FSTL5: variants seen among roughly 807,000 people sequenced by gnomAD.
The protein encoded by FSTL5 is follistatin-related protein 5.
A neutral mutation model predicts 89.1 loss-of-function variants in FSTL5; 62 were observed. The ratio of observed to expected loss-of-function variants is 0.70; its 90% CI spans 0.57 to 0.86. The LOEUF is 0.86. Among genes scored for constraint, FSTL5 ranks in the 40% least tolerant of loss-of-function variants. FSTL5 has a pLI of 0.00. For synonymous variants in FSTL5, 383 were observed against 346.2 expected (o/e 1.11, Z -1.18); for missense variants, 1,057 against 1,001.6 (o/e 1.06, Z -0.75).
At chr4:162,026,206 C>A (rs1424478270) in intron 3 of FSTL5, among the ~76,000 whole-genome samples, 2 of 150,420 alleles carry the variant, frequency 1.3e-5, no homozygotes, top group Non-Finnish European at 2.9e-5. Context: ...TTCCTTCAAG[C>A]TAAAGAAATG....
intron 4 of FSTL5, among the ~76,000 whole-genome samples, chr4:161,851,524 A>G (rs193120041): frequency 3.1e-4 from 47 of 152,282 alleles, no homozygotes; most frequent in Non-Finnish European, 4.9e-4. Flanking sequence ...ATGTGTCTAT[A>G]TACACTAAAT....
chr4:161,941,304 ATTACT>A (rs1734579079), intron 3 of FSTL5, among the ~76,000 whole-genome samples: 1 of 151,928 alleles, frequency 6.6e-6, no homozygotes, highest in Admixed American at 6.6e-5. Flanking sequence ...CTTACCATTA[ATTACT>A]TTAAATCTAA....
intron 13 of FSTL5, among the ~76,000 whole-genome samples, chr4:161,460,426 C>G (rs1379990475): frequency 1.2e-5 from 1 of 84,440 alleles, no homozygotes; most frequent in Middle Eastern, 7.9e-3. Context: ...GTGTGATGTT[C>G]CCCACCCCGT....
At chr4:161,563,646 T>A (rs1239590812) in intron 8 of FSTL5, among the ~76,000 whole-genome samples, 2 of 151,996 alleles carry the variant, frequency 1.3e-5, no homozygotes, top group African/African-American at 4.8e-5. Context: ...CAACAAATAA[T>A]CTAATCACCC....
At position 161,921,027 on chromosome 4, in the gene FSTL5, G is replaced by C. The variant is rs180773921; in HGVS notation, c.161-375C>G. 1.5e-4 allele frequency among the ~76,000 whole-genome samples: 23 copies of C among 152,226 alleles called. 1 individual carries two copies. The East Asian group carries it at 4.3e-3, about 28-fold the overall frequency. The stretch of plus-strand genomic sequence containing the variant: ...CCAAGTTGTCCCATCTGTAACATGG[G>C]AATAATAGTATGGACCATCTCTACA... On this transcript the variant is annotated intron_variant, in intron 3 of 15. Transcript: ENST00000306100.
At position 161,412,731 on chromosome 4, in the gene FSTL5, G is replaced by A. The variant is rs980086351; in HGVS notation, c.1842-26282C>T. On this transcript the variant is annotated intron_variant, in intron 15 of 15. Coordinates refer to ENST00000306100, the MANE Select transcript of FSTL5 (RefSeq NM_020116.5). The stretch of plus-strand genomic sequence containing the variant: ...ACTAAAACAGACGCATAGATCAATG[G>A]AACACAACAGACAATTCAGAAATAA... Among the ~76,000 whole-genome samples, 5 of 152,138 alleles carry A rather than the reference G, an allele frequency of 3.3e-5. No homozygotes were observed. The South Asian group carries it at 1.0e-3, about 32-fold the overall frequency.
At chr4:162,111,512 C>CCTG in intron 1 of FSTL5, 100 bp from the exon 2 acceptor site, 1 of 889,734 alleles carries the variant, frequency 1.1e-6, no homozygotes, top group Non-Finnish European at 1.6e-6. Flanking sequence ...CTCCATTAAT[C>CCTG]TAATCAAAAC....
intron 4 of FSTL5, among the ~76,000 whole-genome samples, chr4:161,838,915 A>C (rs1454671918): frequency 6.9e-6 from 1 of 144,540 alleles, no homozygotes; most frequent in Non-Finnish European, 1.5e-5. Context: ...TTAAACATAA[A>C]ATATATAGAA....
At position 161,475,021 on chromosome 4, in the gene FSTL5, G is replaced by A. The variant is rs1490457827; in HGVS notation, c.1608+5999C>T. Among the ~76,000 whole-genome samples, 26 of 146,686 alleles carry A rather than the reference G, an allele frequency of 1.8e-4. 1 individual carries two copies. The highest frequency in any genetic ancestry group is 6.5e-4 in the African/African-American group (26 of 40,188). ...AATTTTTGTGGGATATAGGATCCTTGATTGGCTTTTTTTTTTTTTTTTGTC... is the reference window on the plus strand; with the variant it reads ...AATTTTTGTGGGATATAGGATCCTTAATTGGCTTTTTTTTTTTTTTTTGTC... On this transcript the variant is annotated intron_variant, in intron 13 of 15. Coordinates refer to ENST00000306100, the MANE Select transcript of FSTL5 (RefSeq NM_020116.5).
chr4:161,816,061 G>C (rs1363612070), intron 4 of FSTL5, among the ~76,000 whole-genome samples: 3 of 152,186 alleles, frequency 2.0e-5, no homozygotes. Context: ...CTGTGGGCTA[G>C]AGTAATGTGA....
At chr4:161,858,402 G>A (rs948621320) in intron 4 of FSTL5, among the ~76,000 whole-genome samples, 1 of 152,058 alleles carries the variant, frequency 6.6e-6, no homozygotes, top group Non-Finnish European at 1.5e-5. Context: ...TTCATGAAAG[G>A]TATACTTAGA....
chr4:161,486,878 T>C (rs1729701458), intron 12 of FSTL5, among the ~76,000 whole-genome samples: 2 of 152,166 alleles, frequency 1.3e-5, no homozygotes, highest in Non-Finnish European at 2.9e-5. Flanking sequence ...CCATTGTTTA[T>C]CAACAAATGT....
At chr4:161,411,655 C>G (rs889025964) in intron 15 of FSTL5, among the ~76,000 whole-genome samples, 2 of 152,114 alleles carry the variant, frequency 1.3e-5, no homozygotes, top group Admixed American at 1.3e-4. Context: ...ATTAAAAACC[C>G]TCAGCAGACT....
At chr4:162,096,421 A>G (rs570913740) in intron 2 of FSTL5, among the ~76,000 whole-genome samples, 14 of 151,692 alleles carry the variant, frequency 9.2e-5, no homozygotes, top group Non-Finnish European at 1.9e-4. Context: ...ATATTGTAAT[A>G]GATATATAAT....
chr4:161,551,939 G>A (rs1361281326), intron 8 of FSTL5, among the ~76,000 whole-genome samples: 2 of 151,998 alleles, frequency 1.3e-5, no homozygotes, highest in East Asian at 1.9e-4. Flanking sequence ...AGGACTTCAT[G>A]TCTAAAACAC....
At chr4:161,595,913 TAC>T (rs67109403) in intron 7 of FSTL5, among the ~76,000 whole-genome samples, 26,169 of 151,920 alleles carry the variant, frequency 0.17, 2,340 homozygotes, top group Middle Eastern at 0.3. Flanking sequence ...GCACTTTAAA[TAC>T]AGTTTTCTGT....
intron 5 of FSTL5, 65 bp from the exon 6 acceptor site, chr4:161,759,596 TTA>T: frequency 9.8e-7 from 1 of 1,024,242 alleles, no homozygotes; most frequent in Non-Finnish European, 1.3e-6. Context: ...ATATAATTTA[TTA>T]TATGTAATAA....
At chr4:161,438,274 TG>T (rs1457255616) in intron 15 of FSTL5, among the ~76,000 whole-genome samples, 11 of 147,968 alleles carry the variant, frequency 7.4e-5, no homozygotes, top group Non-Finnish European at 1.3e-4. Flanking sequence ...TGAGCCCATC[TG>T]GCCATTTGAG....
rs561850719 is a variant in FSTL5, at chr4:161,902,929, A to G, written c.409+17475T>C. On this transcript the variant is annotated intron_variant, in intron 4 of 15. Transcript: ENST00000306100. ...ATTCTTGCCTACCCTCATATCTGCTATCTTATGTTGTTAACTTACCCACCA... is the reference window on the plus strand; with the variant it reads ...ATTCTTGCCTACCCTCATATCTGCTGTCTTATGTTGTTAACTTACCCACCA... Among the ~76,000 whole-genome samples, 31 of 152,264 alleles carry G rather than the reference A, an allele frequency of 2.0e-4. No homozygotes were observed. In the South Asian group the frequency reaches 2.5e-3, roughly 12 times the overall value.
Sources: gnomAD v4.1 joint callset for allele counts (sites outside exome capture counted in the v4.1 genomes callset) on GRCh38, gnomAD v4.1.1 for gene constraint, MANE v1.5 for transcripts, NCBI Gene and HGNC (gene_info 2026-07-23, HGNC 2026-07-21) for gene names.